The following ERI1 variants were observed in gnomAD, a reference collection of about 807,000 sequenced individuals.
The protein encoded by ERI1 is exoribonuclease 1, also known as 3'-5' exoribonuclease 1.
In ERI1, 39 loss-of-function variants were observed where a neutral mutation model predicts 39.7. That is an observed-to-expected ratio of 0.98 (90% CI 0.76 to 1.28). The LOEUF is 1.28. Among genes scored for constraint, ERI1 ranks in the 50% most tolerant of loss-of-function variants. ERI1 has a pLI of 0.00. For synonymous variants in ERI1, 204 were observed against 149.6 expected (o/e 1.36, Z -2.65); for missense variants, 581 against 416.9 (o/e 1.39, Z -3.43).
chr8:9,098,980 C>T (rs958893921), intron 3 of ERI1, among the ~76,000 whole-genome samples: 1 of 151,482 alleles, frequency 6.6e-6, no homozygotes, highest in African/African-American at 2.4e-5. Flanking sequence ...ATTATAGGCG[C>T]CCCCCCACCA....
intron 3 of ERI1, among the ~76,000 whole-genome samples, chr8:9,043,543 CA>C (rs2117352382): frequency 6.6e-6 from 1 of 152,308 alleles, no homozygotes; most frequent in South Asian, 2.1e-4. Context: ...CCATGATAGG[CA>C]GATGAGATGC....
intron 3 of ERI1, among the ~76,000 whole-genome samples, chr8:9,012,799 C>G (rs1816802181): frequency 6.6e-6 from 1 of 152,192 alleles, no homozygotes; most frequent in Non-Finnish European, 1.5e-5. Context: ...CACTTCACTG[C>G]CAGCTACTGC....
Position 9,062,599 on chromosome 8 carries a change from T to A in ERI1, n.299+42135T>A, listed in dbSNP as rs571358805. On this transcript the variant is annotated intron_variant and non_coding_transcript_variant, in intron 3 of 3. Transcript: ENST00000518663. The stretch of plus-strand genomic sequence containing the variant: ...TAATGTGGAGTGGGTAGCCTTCGTA[T>A]TGATTAAGAAGGGGACGGACTTAAC... The A allele has an allele frequency of 6.1e-5, 4 of 65,184 alleles. 1 individual carries two copies. In the South Asian group the frequency reaches 3.7e-3, roughly 60 times the overall value. The allele number at this position is 65,184 out of a possible 1,614,324, so 4.0% of individuals were successfully genotyped here. A position where few individuals can be genotyped will look rare whatever the true frequency, so the allele number is the denominator to read the frequency against.
intron 2 of ERI1, among the ~76,000 whole-genome samples, chr8:9,008,644 A>T (rs1816309394): frequency 6.6e-6 from 1 of 152,232 alleles, no homozygotes. Flanking sequence ...TTGAGTGAGA[A>T]AACAATGCAA....
chr8:9,088,750 C>G (rs1799610928), intron 3 of ERI1, among the ~76,000 whole-genome samples: 2 of 152,188 alleles, frequency 1.3e-5, no homozygotes, highest in Admixed American at 1.3e-4. Context: ...GAGCTGTTCT[C>G]CTGGGTAATT....
chr8:9,068,097 C>T (rs558530649), intron 3 of ERI1, among the ~76,000 whole-genome samples: 11 of 152,302 alleles, frequency 7.2e-5, no homozygotes, highest in African/African-American at 1.9e-4. Context: ...ATTTTCAGAG[C>T]AACATCTAAT....
At chr8:9,022,840 A>C (rs1349548959) in intron 6 of ERI1, among the ~76,000 whole-genome samples, 1 of 152,186 alleles carries the variant, frequency 6.6e-6, no homozygotes, top group African/African-American at 2.4e-5. Flanking sequence ...ATGGCCAGTC[A>C]TGTTTCATGT....
chr8:9,003,574 GAA>G (rs1186114988), intron 1 of ERI1, among the ~76,000 whole-genome samples: 1 of 152,120 alleles, frequency 6.6e-6, no homozygotes, highest in Non-Finnish European at 1.5e-5. Flanking sequence ...TTTAAAAAAA[GAA>G]AAAATTTAAA....
intron 6 of ERI1, 115 bp downstream of exon 6, chr8:9,020,579 T>G: frequency 1.6e-6 from 1 of 626,652 alleles, no homozygotes; most frequent in Non-Finnish European, 2.7e-6. Context: ...GCCATATAAT[T>G]AGTTCTTACT....
At chr8:9,036,141 C>G (rs1022738607), downstream of ERI1, among the ~76,000 whole-genome samples, 1 of 152,168 alleles carries the variant, frequency 6.6e-6, no homozygotes, top group Non-Finnish European at 1.5e-5. Flanking sequence ...CTTGAAATGA[C>G]AGCAAAGGAT....
chr8:9,034,025 A>T (rs1334079856), downstream of ERI1, among the ~76,000 whole-genome samples: 2 of 152,202 alleles, frequency 1.3e-5, no homozygotes, highest in African/African-American at 4.8e-5. Context: ...GGAGAAGGAG[A>T]ACGATTTTTG....
At chr8:9,025,305 G>T (rs554894679) in intron 6 of ERI1, among the ~76,000 whole-genome samples, 1 of 152,172 alleles carries the variant, frequency 6.6e-6, no homozygotes, top group Non-Finnish European at 1.5e-5. Flanking sequence ...AAGGTTTTCT[G>T]TTGTAACATG....
At chr8:9,067,059 G>A (rs2117414879) in intron 3 of ERI1, among the ~76,000 whole-genome samples, 1 of 152,264 alleles carries the variant, frequency 6.6e-6, no homozygotes, top group South Asian at 2.1e-4. Context: ...CAGGAAAAAA[G>A]AAATCATTCT....
downstream of ERI1, among the ~76,000 whole-genome samples, chr8:9,037,838 C>T (rs1282150563): frequency 1.4e-5 from 2 of 147,016 alleles, no homozygotes; most frequent in Non-Finnish European, 3.0e-5. Context: ...CCAGGAAAAG[C>T]AAACAAATGT....
At chr8:9,044,240 T>C (rs1228879135) in intron 3 of ERI1, among the ~76,000 whole-genome samples, 1 of 152,234 alleles carries the variant, frequency 6.6e-6, no homozygotes, top group African/African-American at 2.4e-5. Flanking sequence ...AGGATGTCCT[T>C]GTTAGCATGG....
chr8:9,072,360 G>A (rs1473474952), intron 3 of ERI1: 1 of 152,146 alleles, frequency 6.6e-6, no homozygotes, highest in Non-Finnish European at 1.5e-5. Context: ...CTCATTTGAA[G>A]TGGACATTTC....
chr8:9,095,969 A>G (rs1248199704), intron 3 of ERI1, among the ~76,000 whole-genome samples: 4 of 152,154 alleles, frequency 2.6e-5, no homozygotes, highest in African/African-American at 9.7e-5. Context: ...TGGAATATAG[A>G]AATCATAATA....
intron 3 of ERI1, among the ~76,000 whole-genome samples, chr8:9,095,346 C>T (rs187738538): frequency 6.2e-4 from 94 of 152,282 alleles, no homozygotes; most frequent in Middle Eastern, 6.8e-3. Flanking sequence ...TTCAGTCCTT[C>T]CCGTTCTCTC....
intron 3 of ERI1, chr8:9,091,624 A>G (rs1160752080): frequency 6.6e-6 from 1 of 152,242 alleles, no homozygotes; most frequent in African/African-American, 2.4e-5. Context: ...CTTTCTATAA[A>G]TGAATCCATC....
Sources: allele counts gnomAD v4.1 joint callset (sites outside exome capture counted in the v4.1 genomes callset), GRCh38; gene constraint gnomAD v4.1.1; transcripts MANE v1.5; gene names NCBI Gene and HGNC (gene_info 2026-07-23, HGNC 2026-07-21).